ARHGAP4: variants seen among roughly 807,000 people sequenced by gnomAD.
ARHGAP4 encodes rho GTPase-activating protein 4.
Under a neutral mutation model 67.6 loss-of-function variants are expected in ARHGAP4, and 25 were observed. The observed-to-expected ratio is 0.37, with a 90% CI of 0.27 to 0.52. The LOEUF (loss-of-function observed/expected upper bound fraction) is 0.52. ARHGAP4 is among the 20% of genes least tolerant of loss of function. ARHGAP4 has a pLI of 0.92. For synonymous variants in ARHGAP4, 448 were observed against 373.7 expected (o/e 1.20, Z -2.29); for missense variants, 804 against 854.6 (o/e 0.94, Z 0.74).
chrX:153,909,652 G>C, intron 19 of ARHGAP4, 89 bp downstream of exon 19: 1 of 1,068,242 alleles, frequency 9.4e-7, no homozygotes, highest in Non-Finnish European at 1.2e-6. Context: ...GCCCAGCCCA[G>C]ACCTTCAGAA....
chrX:153,919,086 T>A, intron 6 of ARHGAP4, 33 bp from the exon 7 acceptor site: 1 of 1,209,662 alleles, frequency 8.3e-7, no homozygotes, highest in Non-Finnish European at 1.1e-6. Flanking sequence ...CTTGGGTAGG[T>A]CCTGGAGCCA....
At chrX:153,925,740 C>T (rs782029067) in intron 1 of ARHGAP4, among the ~76,000 whole-genome samples, 16 of 112,083 alleles carry the variant, frequency 1.4e-4, no homozygotes, top group African/African-American at 4.9e-4. Flanking sequence ...CCAATCCACT[C>T]ACCCGGACTC....
chrX:153,908,644 C>T (rs183121032), intron 21 of ARHGAP4, among the ~76,000 whole-genome samples: 92 of 108,872 alleles, frequency 8.5e-4, no homozygotes, highest in Non-Finnish European at 1.5e-3. Context: ...CCATCTGTCC[C>T]TTTCATCCTC....
chrX:153,909,843 T>C lies in ARHGAP4; in HGVS notation c.2312A>G (p.Asp771Gly), dbSNP rs782440650. ...GGCCCTCTCGTGCAGCCGCAGTACGTCCCCCCGCCGGAAGCTCAGCTCCTG... is the reference window on the plus strand; with the variant it reads ...GGCCCTCTCGTGCAGCCGCAGTACGCCCCCCCGCCGGAAGCTCAGCTCCTG... Reference protein sequence around the residue: ...TAQELSFRRGDVLRLHERASS... With the variant: ...TAQELSFRRGGVLRLHERASS... The change falls in exon 19 of 22, where the codon GAC becomes GGC. Residue 771 changes from aspartate to glycine, a missense_variant. By Grantham distance (94) the Asp-to-Gly change is moderately conservative. Coordinates refer to ENST00000350060, the MANE Select transcript of ARHGAP4 (RefSeq NM_001666.5). The C allele has an allele frequency of 1.7e-6, 2 of 1,198,896 alleles. No homozygotes were observed. The highest frequency in any genetic ancestry group is 2.2e-6 in the Non-Finnish European group (2 of 890,101).
intron 7 of ARHGAP4, among the ~76,000 whole-genome samples, chrX:153,918,593 A>G (rs1212237735): frequency 1.8e-5 from 2 of 113,067 alleles, no homozygotes; most frequent in East Asian, 5.5e-4. Flanking sequence ...ATGTATGGGC[A>G]GCTACACGGC....
chrX:153,924,010 C>A (rs1250280880), intron 1 of ARHGAP4, among the ~76,000 whole-genome samples: 2 of 111,613 alleles, frequency 1.8e-5, no homozygotes, highest in Non-Finnish European at 3.8e-5. Context: ...AACTCCTGAC[C>A]TCAGGTGATC....
chrX:153,925,767 G>A (rs1379567907), intron 1 of ARHGAP4, among the ~76,000 whole-genome samples: 1 of 112,348 alleles, frequency 8.9e-6, no homozygotes, highest in African/African-American at 3.2e-5. Flanking sequence ...TCACCCCCCA[G>A]CCCAATCAAG....
In ARHGAP4 at chrX:153,921,814, G is replaced by T. The variant is rs201310068; in HGVS notation, c.68-5C>A. ...CGCTCAGCTGCCAGCGCATCTCTGT[G>T]GGGGGAACCATGGCTCAGGCCTGGT... On this transcript the variant is annotated splice_polypyrimidine_tract_variant and splice_region_variant and intron_variant, in intron 1 of 21. Transcript: ENST00000350060. The T allele has an allele frequency of 1.7e-6, 2 of 1,181,683 alleles. No individual in the cohort carries two copies.
In ARHGAP4 at chrX:153,909,815, C is replaced by G. The variant is rs782216658; in HGVS notation, c.2340G>C (p.Ser780=). 8.3e-7 allele frequency: 1 copy of G among 1,202,949 alleles called. No individual in the cohort carries two copies. ...TGTGCTCCCCCCGCCACCAGTCGCT[C>G]GAGGCCCTCTCGTGCAGCCGCAGTA... ...GDVLRLHERA[S]SDWWRGEHNG... is the part of the protein sequence containing the mutation. The change falls in exon 19 of 22, where the codon TCG becomes TCC. Residue 780 remains serine, a synonymous_variant. Coordinates refer to ENST00000350060, the MANE Select transcript of ARHGAP4 (RefSeq NM_001666.5).
At chrX:153,909,676 C>T (rs1557102269) in intron 19 of ARHGAP4, 65 bp downstream of exon 19, 22 of 1,040,682 alleles carry the variant, frequency 2.1e-5, no homozygotes, top group Middle Eastern at 3.5e-4. Flanking sequence ...AACTTGGGGT[C>T]GGGGGAGGGG....
chrX:153,908,481 CAG>C (rs2064989118), intron 21 of ARHGAP4, among the ~76,000 whole-genome samples: 1 of 112,261 alleles, frequency 8.9e-6, no homozygotes, highest in Non-Finnish European at 1.9e-5. Flanking sequence ...TTCAGCCCGA[CAG>C]TGTTCACAGG....
Position 153,909,144 on chromosome X carries a change from C to T in ARHGAP4, c.2533G>A (p.Ala845Thr). ...HRPEPCTSPE[A>T]MGPSGHRRRC... ...CGTCTGTGTCCAGAGGGTCCCATGG[C>T]CTCAGGTGAGGTGCATGGCTCTGGC... The change falls in exon 21 of 22, where the codon GCC becomes ACC. Residue 845 changes from alanine to threonine, a missense_variant. Physicochemically the swap from Ala to Thr is moderately conservative, Grantham distance 58. Coordinates refer to ENST00000350060, the MANE Select transcript of ARHGAP4 (RefSeq NM_001666.5). 1 of 1,210,433 alleles carries T rather than the reference C, an allele frequency of 8.3e-7. No individual in the cohort carries two copies. Among genetic ancestry groups the T allele is most frequent in the Non-Finnish European group, 1.1e-6 (1 of 895,040 alleles).
chrX:153,914,434 G>A (rs1445896738), intron 7 of ARHGAP4, among the ~76,000 whole-genome samples: 2 of 112,661 alleles, frequency 1.8e-5, no homozygotes, highest in Non-Finnish European at 3.8e-5. Flanking sequence ...AGTGGCTCAC[G>A]CCTCTAATCC....
chrX:153,913,346 A>G (rs961332646), intron 9 of ARHGAP4, 44 bp from the exon 10 acceptor site: 37 of 1,202,052 alleles, frequency 3.1e-5, no homozygotes, highest in Non-Finnish European at 4.2e-5. Flanking sequence ...CCCTGGCTTG[A>G]GCCCCTCCCT....
chrX:153,908,361 G>A lies in ARHGAP4; in HGVS notation c.2608-399C>T, dbSNP rs150305418. ...CCGCTCCTGCTCCTCCGTGTCTACCGGACCCTCCCTGGGCTCCCTGGGCCT... is the reference window on the plus strand; with the variant it reads ...CCGCTCCTGCTCCTCCGTGTCTACCAGACCCTCCCTGGGCTCCCTGGGCCT... On this transcript the variant is annotated intron_variant, in intron 21 of 21. Coordinates refer to ENST00000350060, the MANE Select transcript of ARHGAP4 (RefSeq NM_001666.5). Among the ~76,000 whole-genome samples the A allele has an allele frequency of 2.7e-3, 304 of 111,774 alleles. 2 individuals carry two copies. The highest frequency in any genetic ancestry group is 5.1e-3 in the East Asian group (18 of 3,520).
Position 153,926,014 on chromosome X carries a change from C to T in ARHGAP4, c.67+122G>A, listed in dbSNP as rs2065125647. Reference sequence around the variant, plus strand: ...AGGGGCTCAGGCTCCCTCCTCCACCCCCGCTCCAGAGGTCGCTGGGGAGAG... The same window carrying T: ...AGGGGCTCAGGCTCCCTCCTCCACCTCCGCTCCAGAGGTCGCTGGGGAGAG... On this transcript the variant is annotated intron_variant, in intron 1 of 21. Transcript: ENST00000350060. 6.9e-6 allele frequency: 7 copies of T among 1,014,071 alleles called. No homozygotes were observed. In the Admixed American group the frequency reaches 9.2e-5, roughly 13 times the overall value. The allele number at this position is 1,014,071 out of a possible 1,213,427, so 83.6% of individuals were successfully genotyped here. A position where few individuals can be genotyped will look rare whatever the true frequency, so the allele number is the denominator to read the frequency against.
In ARHGAP4 at chrX:153,910,758, C is replaced by A; in HGVS notation, c.1758G>T (p.Arg586=). The change falls in exon 15 of 22, where the codon CGG becomes CGT. Residue 586 remains arginine, a synonymous_variant. Transcript: ENST00000350060. ...SVAGVLKLYF[R]SLEPPLFPPD... ...GGGGGAAGAGTGGGGGCTCCAGGCT[C>A]CGGAAGTAGAGCTTCAGCACCCCGG... is the stretch of plus-strand genomic sequence containing the variant. The A allele has an allele frequency of 8.4e-7, 1 of 1,192,837 alleles. No individual in the cohort carries two copies. The highest frequency in any genetic ancestry group is 1.1e-6 in the Non-Finnish European group (1 of 885,996).
rs35512142 is a variant in ARHGAP4 at position 153,924,420 on chromosome X, T to G, written c.67+1716A>C. Among the ~76,000 whole-genome samples, 765 of 111,497 alleles carry G rather than the reference T, an allele frequency of 6.9e-3. 3 individuals are homozygous for G. The highest frequency in any genetic ancestry group is 0.017 in the African/African-American group (512 of 30,605). ...CTTTCGGATCTCAGTTCAGACAAAC[T>G]CGTCAGCACACCCTGTCCTGACCTC... On this transcript the variant is annotated intron_variant, in intron 1 of 21. Transcript: ENST00000350060.
chrX:153,909,933 G>A lies in ARHGAP4; in HGVS notation c.2231-9C>T, dbSNP rs1187865585. ...CACGACCCCCTCCAGGTCTGGGGAG[G>A]AGAGGGGGTCCAAGCTGTGGGAGGG... On this transcript the variant is annotated splice_polypyrimidine_tract_variant and intron_variant, in intron 18 of 21. Transcript: ENST00000350060. The A allele has an allele frequency of 3.3e-6, 4 of 1,206,315 alleles. No homozygotes were observed. Among genetic ancestry groups the A allele is most frequent in the Non-Finnish European group, 4.5e-6 (4 of 893,367 alleles).
Sources: allele counts gnomAD v4.1 joint callset (sites outside exome capture counted in the v4.1 genomes callset), GRCh38; gene constraint gnomAD v4.1.1; transcripts MANE v1.5; gene names NCBI Gene and HGNC (gene_info 2026-07-23, HGNC 2026-07-21).